Variants in PHAF1 observed in about 807,000 individuals in gnomAD.
PHAF1 encodes the protein phagosome assembly factor 1.
A neutral mutation model predicts 63.1 loss-of-function variants in PHAF1; 23 were observed. That is an observed-to-expected ratio of 0.36 (90% CI 0.26 to 0.52). The LOEUF (loss-of-function observed/expected upper bound fraction) is 0.52. Ranked by LOEUF, PHAF1 falls within the 20% of genes least tolerant of loss-of-function variation. The pLI, the probability that PHAF1 is intolerant of heterozygous loss-of-function variation, is 0.93. For missense variants in PHAF1, 427 were observed against 517.2 expected (o/e 0.83, Z 1.69); for synonymous variants, 167 against 185.0 (o/e 0.90, Z 0.79).
At chr16:67,117,873 C>T (rs937237860) in intron 1 of PHAF1, among the ~76,000 whole-genome samples, 24 of 151,096 alleles carry the variant, frequency 1.6e-4, no homozygotes, top group Non-Finnish European at 3.1e-4. Context: ...AGTGCAGCCT[C>T]CACCTCCCAA....
chr16:67,138,681 AAGTC>A (rs1358309864), intron 8 of PHAF1, among the ~76,000 whole-genome samples: 1 of 152,170 alleles, frequency 6.6e-6, no homozygotes, highest in East Asian at 1.9e-4. Flanking sequence ...TTATTAGAAA[AAGTC>A]AGAGCTTAAA....
At position 67,110,755 on chromosome 16, in the gene PHAF1, C is replaced by T. The variant is rs79964091; in HGVS notation, c.64+516C>T. Among the ~76,000 whole-genome samples, 356 of 152,264 alleles carry T rather than the reference C, an allele frequency of 2.3e-3. 3 individuals are homozygous for T. In the South Asian group the frequency reaches 0.034, roughly 14 times the overall value. The stretch of plus-strand genomic sequence containing the variant: ...GAACCCATGATCAGATGTTGGGGCT[C>T]TGGTCAAGGGAGTTGAGTTTGTGTG... On this transcript the variant is annotated intron_variant, in intron 1 of 15. Transcript: ENST00000219139.
intron 5 of PHAF1, 32 bp downstream of exon 5, chr16:67,132,557 T>C (rs748086725): frequency 8.8e-6 from 14 of 1,597,456 alleles, no homozygotes; most frequent in African/African-American, 1.3e-5. Flanking sequence ...CCTCTGGTCA[T>C]CAGTGGCAGT....
At position 67,147,107 on chromosome 16, in the gene PHAF1, C is replaced by G; in HGVS notation, c.1245C>G (p.His415Gln). 1.2e-6 allele frequency: 2 copies of G among 1,613,866 alleles called. No individual in the cohort carries two copies. Among genetic ancestry groups the G allele is most frequent in the Non-Finnish European group, 1.7e-6 (2 of 1,179,772 alleles). Residue 415 changes from histidine to glutamine, a missense_variant, in exon 16 of 16, where the codon CAC (histidine) becomes CAG (glutamine). By Grantham distance (24) the His-to-Gln change is conservative. Coordinates refer to ENST00000219139, the MANE Select transcript of PHAF1 (RefSeq NM_025187.5). ...TLYGPPRPGS[H>Q]LRTAELP The stretch of plus-strand genomic sequence containing the variant: ...ATGGCCCCCCCAGGCCTGGTAGCCA[C>G]CTGAGAACAGCGGAACTCCCCTAGG...
At chr16:67,145,699 G>C (rs1368020279) in intron 14 of PHAF1, 71 bp downstream of exon 14, 1 of 1,502,484 alleles carries the variant, frequency 6.7e-7, no homozygotes, top group Admixed American at 2.2e-5. Context: ...AGGGAAGCCT[G>C]GCACAGTGGA....
chr16:67,140,024 A>G lies in PHAF1; in HGVS notation c.702A>G (p.Val234=), dbSNP rs1963748435. The G allele has an allele frequency of 6.2e-7, 1 of 1,613,400 alleles. No homozygotes were observed. The highest frequency in any genetic ancestry group is 1.3e-5 in the African/African-American group (1 of 74,858). ...TATTAGCAGATGCCAAGATGCGGGT[A>G]TTTGAACGTTCAGTGTATTTTGGTG... is the stretch of plus-strand genomic sequence containing the variant. ...PGLLADAKMR[V]FERSVYFGDS... Residue 234 remains valine (V), a synonymous_variant, in exon 9 of 16, where the codon GTA becomes GTG. Transcript: ENST00000219139.
Position 67,116,531 on chromosome 16 carries a change from C to T in PHAF1, c.65-3581C>T, listed in dbSNP as rs889633506. Among the ~76,000 whole-genome samples the T allele has an allele frequency of 2.5e-4, 38 of 152,182 alleles. 1 individual carries two copies. Among genetic ancestry groups the T allele is most frequent in the Non-Finnish European group, 5.4e-4 (37 of 68,030 alleles). On this transcript the variant is annotated intron_variant, in intron 1 of 15. Coordinates refer to ENST00000219139, the MANE Select transcript of PHAF1 (RefSeq NM_025187.5). ...GTCACCCACTCTACAATCCATCAGT[C>T]CCACTCAGTAAATATTTATTCAATA...
chr16:67,113,955 G>A (rs1426915475), intron 1 of PHAF1, among the ~76,000 whole-genome samples: 3 of 151,938 alleles, frequency 2.0e-5, no homozygotes, highest in Admixed American at 6.6e-5. Context: ...CTCCCGTCTC[G>A]GCTCCCAAAG....
chr16:67,110,170 G>T lies in PHAF1; in HGVS notation c.-6G>T, dbSNP rs1307071454. ...GGAGGCCGCCCGGGCCAGGCGAGCC[G>T]AACCAATGCTGGACCTGGAGGTAGT... On this transcript the variant is annotated 5_prime_UTR_variant, in exon 1 of 16. Transcript: ENST00000219139. 2.6e-6 allele frequency: 4 copies of T among 1,551,712 alleles called. No individual in the cohort carries two copies. In the African/African-American group the frequency reaches 4.1e-5, roughly 16 times the overall value.
intron 9 of PHAF1, 99 bp downstream of exon 9, chr16:67,140,216 A>G: frequency 1.4e-6 from 2 of 1,402,280 alleles, no homozygotes; most frequent in Non-Finnish European, 1.9e-6. Context: ...ACTTGTTCTA[A>G]GTAAAGCTAA....
rs1327929783 is a variant in PHAF1 at position 67,146,360 on chromosome 16, G to A, written c.1182+10G>A. On this transcript the variant is annotated intron_variant, in intron 15 of 15. Transcript: ENST00000219139. ...GCGAATGATCTTTGAGGTAAGCTGT[G>A]GAAGCCCTAGAAATAAACTGCCTGG... 1.2e-6 allele frequency: 2 copies of A among 1,612,630 alleles called. No homozygotes were observed. Among genetic ancestry groups the A allele is most frequent in the East Asian group, 2.2e-5 (1 of 44,890 alleles).
At chr16:67,140,743 A>G (rs1025633418) in intron 10 of PHAF1, 149 bp downstream of exon 10, 11 of 654,780 alleles carry the variant, frequency 1.7e-5, no homozygotes, top group Non-Finnish European at 2.9e-5. Flanking sequence ...TGTTTTGCAT[A>G]GGCTCTGGTA....
chr16:67,146,161 C>A, intron 14 of PHAF1, 117 bp from the exon 15 acceptor site: 3 of 918,324 alleles, frequency 3.3e-6, no homozygotes, highest in African/African-American at 1.6e-5. Flanking sequence ...AACAGACAGA[C>A]ACTCACAGCC....
In PHAF1 at chr16:67,109,969, C is replaced by G; in HGVS notation, c.-207C>G. 1.9e-6 allele frequency: 1 copy of G among 531,722 alleles called. No homozygotes were observed. Among genetic ancestry groups the G allele is most frequent in the South Asian group, 2.5e-5 (1 of 39,936 alleles). 32.9% of individuals were successfully genotyped at this position (531,722 alleles called of 1,614,324 possible). A position where few individuals can be genotyped will look rare whatever the true frequency, so the allele number is the denominator to read the frequency against. ...GTCGCGCCCGCCGCCGTCGTTGCCC[C>G]CGCTGCCGCGGCTGCTGCAGGTGAG... On this transcript the variant is annotated 5_prime_UTR_variant, in exon 1 of 16. Coordinates refer to ENST00000219139, the MANE Select transcript of PHAF1 (RefSeq NM_025187.5).
intron 1 of PHAF1, among the ~76,000 whole-genome samples, chr16:67,110,976 T>C (rs1597176593): frequency 6.6e-6 from 1 of 152,096 alleles, no homozygotes; most frequent in Non-Finnish European, 1.5e-5. Context: ...CACACCCGGC[T>C]AATTTTTGTA....
intron 3 of PHAF1, among the ~76,000 whole-genome samples, chr16:67,130,472 C>T (rs1963352370): frequency 6.6e-6 from 1 of 151,914 alleles, no homozygotes; most frequent in Non-Finnish European, 1.5e-5. Flanking sequence ...CCTCAGCCTC[C>T]ACAGTAGCTG....
Position 67,148,275 on chromosome 16 carries a change from C to G in PHAF1, c.*1144C>G, listed in dbSNP as rs906268415. ...AATGATGAATGTGCAGGGGACCTGT[C>G]TCAGGCTCCTATATGGTTCCTGGGC... is the stretch of plus-strand genomic sequence containing the variant. On this transcript the variant is annotated 3_prime_UTR_variant, in exon 16 of 16. Coordinates refer to ENST00000219139, the MANE Select transcript of PHAF1 (RefSeq NM_025187.5). The G allele has an allele frequency of 2.0e-5, 3 of 152,752 alleles. No individual in the cohort carries two copies. Among genetic ancestry groups the G allele is most frequent in the South Asian group, 2.1e-4 (1 of 4,834 alleles). 9.5% of individuals were successfully genotyped at this position (152,752 alleles called of 1,614,324 possible).
chr16:67,123,309 G>T (rs1963059364), intron 2 of PHAF1, among the ~76,000 whole-genome samples: 1 of 152,170 alleles, frequency 6.6e-6, no homozygotes, highest in Non-Finnish European at 1.5e-5. Flanking sequence ...AGGTGCAGTG[G>T]CTCATGCCTT....
At chr16:67,145,747 C>A in intron 14 of PHAF1, 119 bp downstream of exon 14, 2 of 1,041,662 alleles carry the variant, frequency 1.9e-6, no homozygotes, top group Non-Finnish European at 2.8e-6. Flanking sequence ...GATATTGCCA[C>A]AAGCATACTT....
Sources: gnomAD v4.1 joint callset for allele counts (sites outside exome capture counted in the v4.1 genomes callset) on GRCh38, gnomAD v4.1.1 for gene constraint, MANE v1.5 for transcripts, NCBI Gene and HGNC (gene_info 2026-07-23, HGNC 2026-07-21) for gene names.